LONP2: variants seen among roughly 807,000 people sequenced by gnomAD.
LONP2 encodes the protein lon protease homolog 2, peroxisomal.
In LONP2, 60 loss-of-function variants were observed where a neutral mutation model predicts 85.6. That is an observed-to-expected ratio of 0.70 (90% CI 0.57 to 0.87). LONP2 has a LOEUF of 0.87. Ranked by LOEUF, LONP2 falls within the 40% of genes least tolerant of loss-of-function variation. LONP2 has a pLI of 0.00. For synonymous variants in LONP2, 395 were observed against 389.7 expected (o/e 1.01, Z -0.16); for missense variants, 860 against 1,063.5 (o/e 0.81, Z 2.66).
At chr16:48,327,718 A>G (rs1224304037) in intron 11 of LONP2, among the ~76,000 whole-genome samples, 1 of 152,186 alleles carries the variant, frequency 6.6e-6, no homozygotes, top group African/African-American at 2.4e-5. Flanking sequence ...TCAGCCTCCC[A>G]AAGTGCTGGG....
chr16:48,356,728 T>C lies in LONP2; in HGVS notation c.*4926T>C, dbSNP rs569268810. 54 of 339,280 alleles carry C rather than the reference T, an allele frequency of 1.6e-4. No individual in the cohort carries two copies. Among genetic ancestry groups the C allele is most frequent in the Admixed American group, 2.6e-4 (7 of 26,606 alleles). The allele number at this position is 339,280 out of a possible 1,614,324, so 21.0% of individuals were successfully genotyped here. On this transcript the variant is annotated 3_prime_UTR_variant, in exon 15 of 15. Coordinates refer to ENST00000285737, the MANE Select transcript of LONP2 (RefSeq NM_031490.5). ...CAAATATGGTGAGTGGTCATTGAGA[T>C]GTTTTAAAAGTTACAGCAAAAGGAC...
intron 8 of LONP2, among the ~76,000 whole-genome samples, chr16:48,286,535 C>T (rs970983522): frequency 6.6e-6 from 1 of 152,120 alleles, no homozygotes; most frequent in East Asian, 1.9e-4. Context: ...CAGGGTCTCG[C>T]TCTGTCACCC....
At chr16:48,264,250 G>A (rs1335322015) in intron 6 of LONP2, among the ~76,000 whole-genome samples, 7 of 152,138 alleles carry the variant, frequency 4.6e-5, no homozygotes, top group East Asian at 1.9e-4. Context: ...GCCTGGGAGC[G>A]CTATGGGAGA....
intron 12 of LONP2, among the ~76,000 whole-genome samples, chr16:48,338,634 G>A (rs570611669): frequency 3.8e-4 from 58 of 152,218 alleles, no homozygotes; most frequent in Middle Eastern, 6.8e-3. Context: ...CAGGCTGGGC[G>A]CGGTGGCTCA....
At chr16:48,266,128 C>T (rs1596923105) in intron 6 of LONP2, among the ~76,000 whole-genome samples, 1 of 152,032 alleles carries the variant, frequency 6.6e-6, no homozygotes, top group African/African-American at 2.4e-5. Context: ...CTCAGCCTCA[C>T]GAGTAGCCTT....
At chr16:48,346,162 A>C (rs557706922) in intron 12 of LONP2, 1 of 152,328 alleles carries the variant, frequency 6.6e-6, no homozygotes, top group African/African-American at 2.4e-5. Flanking sequence ...TTAGAAAAAG[A>C]AGCAACCCAG....
In LONP2 at chr16:48,356,218, T is replaced by A. The variant is rs1169163252; in HGVS notation, c.*4416T>A. ...TGAGCTTCCAGTACTAGGTGATTGG[T>A]CTGCATTCACAGTGACCAAAATCAG... is the stretch of plus-strand genomic sequence containing the variant. On this transcript the variant is annotated 3_prime_UTR_variant, in exon 15 of 15. Coordinates refer to ENST00000285737, the MANE Select transcript of LONP2 (RefSeq NM_031490.5). 2 of 152,414 alleles carry A rather than the reference T, an allele frequency of 1.3e-5. No homozygotes were observed. Among genetic ancestry groups the A allele is most frequent in the Non-Finnish European group, 2.9e-5 (2 of 68,220 alleles). 9.4% of individuals were successfully genotyped at this position (152,414 alleles called of 1,614,324 possible). A position where few individuals can be genotyped will look rare whatever the true frequency, so the allele number is the denominator to read the frequency against.
chr16:48,359,920 A>G (rs1597015705), downstream of LONP2, among the ~76,000 whole-genome samples: 1 of 152,210 alleles, frequency 6.6e-6, no homozygotes, highest in Non-Finnish European at 1.5e-5. Flanking sequence ...ACCACACAAA[A>G]TTCTCTTTCA....
intron 5 of LONP2, among the ~76,000 whole-genome samples, chr16:48,262,506 C>G (rs1971898623): frequency 6.6e-6 from 1 of 152,124 alleles, no homozygotes; most frequent in Non-Finnish European, 1.5e-5. Context: ...TATGAGAATA[C>G]TTTGTAGAGA....
intron 2 of LONP2, among the ~76,000 whole-genome samples, chr16:48,253,469 C>CA (rs77220864): frequency 0.02 from 2,282 of 115,436 alleles, 62 homozygotes; most frequent in African/African-American, 0.066. Context: ...GACCCTGACT[C>CA]AAAAAAAAAA....
intron 1 of LONP2, among the ~76,000 whole-genome samples, chr16:48,249,474 G>A (rs1971567567): frequency 6.6e-6 from 1 of 152,018 alleles, no homozygotes; most frequent in Non-Finnish European, 1.5e-5. Context: ...TAAAACCTGG[G>A]GCCCAATATA....
chr16:48,337,396 A>G (rs1281548384), intron 12 of LONP2, among the ~76,000 whole-genome samples: 12 of 152,110 alleles, frequency 7.9e-5, no homozygotes, highest in Admixed American at 7.2e-4. Flanking sequence ...CCATTTTTGT[A>G]TCTCTTGGCT....
intron 12 of LONP2, among the ~76,000 whole-genome samples, 174 bp from the exon 13 acceptor site, chr16:48,347,333 G>A (rs1352044554): frequency 6.6e-6 from 1 of 152,152 alleles, no homozygotes; most frequent in African/African-American, 2.4e-5. Flanking sequence ...CTTTCTTCTG[G>A]CAGAAAGCCA....
intron 11 of LONP2, among the ~76,000 whole-genome samples, chr16:48,306,706 G>A (rs1972919441): frequency 6.6e-6 from 1 of 152,152 alleles, no homozygotes; most frequent in East Asian, 1.9e-4. Context: ...GTCCTGAATT[G>A]TTTATGACCT....
intron 14 of LONP2, among the ~76,000 whole-genome samples, chr16:48,348,526 ACT>A: frequency 7.9e-6 from 1 of 126,288 alleles, no homozygotes; most frequent in South Asian, 2.3e-4. Flanking sequence ...GACAGGTCTC[ACT>A]CTGTTGCCCA....
intron 8 of LONP2, among the ~76,000 whole-genome samples, chr16:48,289,167 A>G (rs1972508810): frequency 6.6e-6 from 1 of 152,186 alleles, no homozygotes; most frequent in Non-Finnish European, 1.5e-5. Flanking sequence ...GAACCCGGAA[A>G]ATTTGAGACA....
chr16:48,271,192 AAAC>A (rs1471335534), intron 7 of LONP2, among the ~76,000 whole-genome samples: 21 of 152,132 alleles, frequency 1.4e-4, no homozygotes, highest in African/African-American at 4.6e-4. Context: ...ACAAACAAAC[AAAC>A]AACAACAAAA....
At chr16:48,318,155 G>A (rs1393090083) in intron 11 of LONP2, among the ~76,000 whole-genome samples, 1 of 152,112 alleles carries the variant, frequency 6.6e-6, no homozygotes, top group Non-Finnish European at 1.5e-5. Context: ...TTTGGTTGAG[G>A]AAGGAGCTGC....
In LONP2 at chr16:48,356,712, T is replaced by C. The variant is rs916448317; in HGVS notation, c.*4910T>C. On this transcript the variant is annotated 3_prime_UTR_variant, in exon 15 of 15. Coordinates refer to ENST00000285737, the MANE Select transcript of LONP2 (RefSeq NM_031490.5). ...CTGAATAGACAACAGGCAAATATGGTGAGTGGTCATTGAGATGTTTTAAAA... is the reference window on the plus strand; with the variant it reads ...CTGAATAGACAACAGGCAAATATGGCGAGTGGTCATTGAGATGTTTTAAAA... 5.4e-6 allele frequency: 2 copies of C among 368,494 alleles called. No individual in the cohort carries two copies. 22.8% of individuals were successfully genotyped at this position (368,494 alleles called of 1,614,324 possible).
Sources: gnomAD v4.1 joint callset for allele counts (sites outside exome capture counted in the v4.1 genomes callset) on GRCh38, gnomAD v4.1.1 for gene constraint, MANE v1.5 for transcripts, NCBI Gene and HGNC (gene_info 2026-07-23, HGNC 2026-07-21) for gene names.